The following FERRY3 variants were observed in gnomAD, a reference collection of about 807,000 sequenced individuals.
FERRY3 encodes protein C12orf4.
the FERRY3 span, among the ~76,000 whole-genome samples, chr12:4,527,353 T>C: frequency 6.7e-6 from 1 of 149,824 alleles, no homozygotes; most frequent in Admixed American, 6.7e-5. Context: ...TGATACAATA[T>C]ATTTTTTCTA....
At chr12:4,535,126 C>T in the FERRY3 span, among the ~76,000 whole-genome samples, 1 of 152,166 alleles carries the variant, frequency 6.6e-6, no homozygotes, top group Non-Finnish European at 1.5e-5. This position sits in a 1 kb window ranked among gnomAD's most constrained non-coding sequence, Gnocchi z 4.0. Flanking sequence ...AATGATATAA[C>T]GGAAGAGCAC....
the FERRY3 span, chr12:4,534,425 G>C: frequency 9.2e-7 from 1 of 1,085,412 alleles, no homozygotes; most frequent in Non-Finnish European, 1.3e-6. Flanking sequence ...ATTTAGAGAT[G>C]GGGTCTCTCT....
chr12:4,523,857 T>TA, the FERRY3 span, among the ~76,000 whole-genome samples: 1 of 152,018 alleles, frequency 6.6e-6, no homozygotes, highest in South Asian at 2.1e-4. Flanking sequence ...ACACCTAATG[T>TA]AAATGACAAG....
chr12:4,516,971 C>A, the FERRY3 span: 1 of 1,113,576 alleles, frequency 9.0e-7, no homozygotes, highest in Non-Finnish European at 1.2e-6. Context: ...CTATCTTCCA[C>A]CAACATAATT....
the FERRY3 span, among the ~76,000 whole-genome samples, chr12:4,507,952 T>G: frequency 6.6e-6 from 1 of 152,148 alleles, no homozygotes; most frequent in East Asian, 1.9e-4. Flanking sequence ...GGGAACAGAG[T>G]TAGGGACACT....
the FERRY3 span, chr12:4,489,622 G>A: frequency 2.4e-6 from 1 of 422,342 alleles, no homozygotes; most frequent in African/African-American, 2.0e-5. Context: ...TTTAAGTTAG[G>A]GGTTGATCAC....
At chr12:4,523,420 G>C in the FERRY3 span, among the ~76,000 whole-genome samples, 1 of 152,120 alleles carries the variant, frequency 6.6e-6, no homozygotes, top group African/African-American at 2.4e-5. Flanking sequence ...CAAGGATCTA[G>C]AACTAGAAAT....
chr12:4,509,881 G>T, the FERRY3 span, among the ~76,000 whole-genome samples: 1 of 140,294 alleles, frequency 7.1e-6, no homozygotes, highest in Non-Finnish European at 1.5e-5. Flanking sequence ...ACCAGCAATG[G>T]AACAAAGCTG....
chr12:4,533,018 G>A, the FERRY3 span, among the ~76,000 whole-genome samples: 33,772 of 152,070 alleles, frequency 0.22, 6,428 homozygotes, highest in African/African-American at 0.52. Flanking sequence ...TTCGCTGCTC[G>A]GTTTTCTCCT....
the FERRY3 span, among the ~76,000 whole-genome samples, chr12:4,526,545 T>G: frequency 2.0e-5 from 3 of 152,104 alleles, no homozygotes; most frequent in Non-Finnish European, 4.4e-5. Flanking sequence ...AAATTGCTCT[T>G]AAGAGTGAAT....
the FERRY3 span, among the ~76,000 whole-genome samples, chr12:4,490,762 C>T: frequency 6.6e-6 from 1 of 152,150 alleles, no homozygotes; most frequent in East Asian, 1.9e-4. Context: ...TTTGCAATTC[C>T]TAATTCTTCA....
At chr12:4,509,562 G>C in the FERRY3 span, among the ~76,000 whole-genome samples, 2 of 148,828 alleles carry the variant, frequency 1.3e-5, no homozygotes, top group Admixed American at 1.3e-4. Context: ...AGAACGGGCA[G>C]ACTGCCTCCT....
the FERRY3 span, among the ~76,000 whole-genome samples, chr12:4,491,862 CAT>C: frequency 1.3e-5 from 2 of 152,240 alleles, no homozygotes; most frequent in South Asian, 4.1e-4. Context: ...AACTATAAAA[CAT>C]GTAGATTATT....
the FERRY3 span, among the ~76,000 whole-genome samples, chr12:4,495,216 G>A: frequency 6.6e-6 from 1 of 151,956 alleles, no homozygotes; most frequent in African/African-American, 2.4e-5. Flanking sequence ...ATTCACTTAC[G>A]TTAAACATTT....
chr12:4,500,032 C>T, the FERRY3 span: 1 of 1,091,046 alleles, frequency 9.2e-7, no homozygotes, highest in South Asian at 1.5e-5. Flanking sequence ...TGCAAAAATC[C>T]ATTAGTTTAA....
chr12:4,505,680 A>G, the FERRY3 span, among the ~76,000 whole-genome samples: 2 of 152,246 alleles, frequency 1.3e-5, no homozygotes, highest in African/African-American at 4.8e-5. Context: ...CAGGTCTTTA[A>G]TTCACATACT....
At chr12:4,526,813 G>C in the FERRY3 span, among the ~76,000 whole-genome samples, 1 of 149,948 alleles carries the variant, frequency 6.7e-6, no homozygotes, top group Non-Finnish European at 1.5e-5. Context: ...CTGTACTTCA[G>C]CCTGGGCAAC....
the FERRY3 span, among the ~76,000 whole-genome samples, chr12:4,498,706 G>A: frequency 6.6e-5 from 10 of 152,154 alleles, no homozygotes; most frequent in East Asian, 3.8e-4. Flanking sequence ...CCAGTTTCAC[G>A]GAAGTCAATT....
chr12:4,517,550 C>T, the FERRY3 span, among the ~76,000 whole-genome samples: 1 of 151,266 alleles, frequency 6.6e-6, no homozygotes, highest in East Asian at 1.9e-4. Context: ...CTTTCAAAAA[C>T]AAGTATACGT....
Sources: gnomAD v4.1 joint callset for allele counts (sites outside exome capture counted in the v4.1 genomes callset) on GRCh38, gnomAD v4.1.1 for gene constraint, Gnocchi (gnomAD v3.1) non-coding constraint, MANE v1.5 for transcripts, NCBI Gene and HGNC (gene_info 2026-07-23, HGNC 2026-07-21) for gene names.